Variants in NCBP3 observed in about 807,000 individuals in gnomAD.
NCBP3 encodes the protein nuclear cap binding subunit 3.
NCBP3 carries 20 observed loss-of-function variants against 75.7 expected under a neutral mutation model. The observed-to-expected ratio is 0.26, with a 90% CI of 0.19 to 0.38. The LOEUF (loss-of-function observed/expected upper bound fraction) is 0.38. NCBP3 is among the 10% of genes least tolerant of loss of function. The pLI is 1.00. For missense variants in NCBP3, 678 were observed against 796.9 expected (o/e 0.85, Z 1.80); for synonymous variants, 293 against 290.5 (o/e 1.01, Z -0.09).
chr17:3,811,282 A>C lies in NCBP3; in HGVS notation c.*1762T>G, dbSNP rs2143626250. 6.6e-6 allele frequency: 1 copy of C among 152,016 alleles called. No individual in the cohort carries two copies. The highest frequency in any genetic ancestry group is 1.9e-4 in the East Asian group (1 of 5,162). 9.4% of individuals were successfully genotyped at this position (152,016 alleles called of 1,614,324 possible). ...CGATTCTCAGGCCCCCGCACTCCTC[A>C]CTCTACCAACTCCCCAAACCCTGAC... On this transcript the variant is annotated 3_prime_UTR_variant, in exon 13 of 13. Coordinates refer to ENST00000389005, the MANE Select transcript of NCBP3 (RefSeq NM_001114118.3).
At chr17:3,813,537 C>T (rs551393027) in intron 12 of NCBP3, among the ~76,000 whole-genome samples, 1 of 152,338 alleles carries the variant, frequency 6.6e-6, no homozygotes, top group East Asian at 1.9e-4. Context: ...TCACCAGACA[C>T]ATCAGAATCA....
intron 3 of NCBP3, among the ~76,000 whole-genome samples, chr17:3,833,549 A>G (rs2143695297): frequency 6.6e-6 from 1 of 151,978 alleles, no homozygotes; most frequent in African/African-American, 2.4e-5. Context: ...GCTCATGCCC[A>G]TAATCCCAGC....
chr17:3,824,632 T>C, intron 7 of NCBP3: 1 of 194,144 alleles, frequency 5.2e-6, no homozygotes. Flanking sequence ...GTTGCTGTAA[T>C]AAATAAAGTT....
At chr17:3,821,026 A>G (rs1176838864) in intron 9 of NCBP3, among the ~76,000 whole-genome samples, 1 of 152,078 alleles carries the variant, frequency 6.6e-6, no homozygotes, top group Non-Finnish European at 1.5e-5. Context: ...TTCCTATGTC[A>G]TATTTTGCCT....
chr17:3,846,067 G>A lies in NCBP3; in HGVS notation c.157C>T (p.Arg53Trp), dbSNP rs539558260. The change falls in exon 1 of 13, where the codon CGG becomes TGG. Residue 53 changes from arginine (R) to tryptophan (W), a missense_variant. By Grantham distance (101) the Arg-to-Trp change is moderately radical. This residue lies in a region of NCBP3 where 46 missense variants were observed against 82.8 expected (regional missense o/e 0.56). Transcript: ENST00000389005. The surrounding 1 kb of genome is among the most constrained non-coding windows in gnomAD (Gnocchi z 4.6). ...GGGATCAGTTCCTTGAGCGAGCGCC[G>A]CACAGGCACGATTTCCAGCTCGCCC... is the stretch of plus-strand genomic sequence containing the variant. ...EEGELEIVPV[R>W]RSLKELIPDT... 7.7e-6 allele frequency: 12 copies of A among 1,548,766 alleles called. No individual in the cohort carries two copies. The highest frequency in any genetic ancestry group is 1.2e-5 in the South Asian group (1 of 84,036).
At chr17:3,840,063 G>A in intron 3 of NCBP3, 37 bp downstream of exon 3, 1 of 1,503,476 alleles carries the variant, frequency 6.7e-7, no homozygotes. Flanking sequence ...CACTCTCTGG[G>A]GAAATGTGGA....
rs537962525 is a variant in NCBP3 at position 3,821,668 on chromosome 17, T to G, written c.896+285A>C. 3.9e-5 allele frequency among the ~76,000 whole-genome samples: 6 copies of G among 152,220 alleles called. No homozygotes were observed. In the East Asian group the frequency reaches 1.2e-3, roughly 29 times the overall value. On this transcript the variant is annotated intron_variant, in intron 8 of 12. Transcript: ENST00000389005. ...GAACTCCTGACCTCAGGTGATCTGC[T>G]GGCCTCGGCCTCCCAAAGTGCTGGG... is the stretch of plus-strand genomic sequence containing the variant.
Position 3,825,800 on chromosome 17 carries a change from T to C in NCBP3, c.654A>G (p.Gly218=), listed in dbSNP as rs1184758858. ...DSSDDDEAEE[G]EVEDENSSDV... is the part of the protein sequence containing the mutation. ...CACTTGAGTTCTCATCTTCAACCTC[T>C]CCTTCTTCAGCTTCATCATCATCTG... Residue 218 remains glycine, a synonymous_variant, in exon 6 of 13, where the codon GGA becomes GGG. Coordinates refer to ENST00000389005, the MANE Select transcript of NCBP3 (RefSeq NM_001114118.3). The C allele has an allele frequency of 9.0e-6, 14 of 1,551,520 alleles. No homozygotes were observed. The South Asian group carries it at 1.3e-4, about 15-fold the overall frequency.
rs918032906 is a variant in NCBP3, at chr17:3,809,676, AG to A, written c.*3367del. ...GGCCGAGATCGTGCCATTGCACTCC[AG>A]CCTGCACAACAAGAGCGAAACTGTG... On this transcript the variant is annotated 3_prime_UTR_variant, in exon 13 of 13. Transcript: ENST00000389005. The A allele has an allele frequency of 6.6e-6, 1 of 152,254 alleles. No individual in the cohort carries two copies. The highest frequency in any genetic ancestry group is 1.5e-5 in the Non-Finnish European group (1 of 68,054). The allele number at this position is 152,254 out of a possible 1,614,324, so 9.4% of individuals were successfully genotyped here. A position where few individuals can be genotyped will look rare whatever the true frequency, so the allele number is the denominator to read the frequency against.
chr17:3,827,752 T>C (rs1279413803), intron 4 of NCBP3, among the ~76,000 whole-genome samples: 1 of 152,226 alleles, frequency 6.6e-6, no homozygotes, highest in Non-Finnish European at 1.5e-5. Context: ...CCTCCAATTC[T>C]AATATACCTT....
At chr17:3,842,711 T>C (rs545560668) in intron 2 of NCBP3, among the ~76,000 whole-genome samples, 1 of 152,208 alleles carries the variant, frequency 6.6e-6, no homozygotes, top group South Asian at 2.1e-4. Context: ...AGTGGCACGA[T>C]TTCAGCTCAG....
Position 3,843,052 on chromosome 17 carries a change from T to C in NCBP3, c.249+34A>G, listed in dbSNP as rs74331042. On this transcript the variant is annotated intron_variant, in intron 2 of 12. Coordinates refer to ENST00000389005, the MANE Select transcript of NCBP3 (RefSeq NM_001114118.3). Reference sequence around the variant, plus strand: ...CAAATTCATTAAGTTCACTTGCTTATCAAGCTGAATAAATAAATCATAGCC... The same window carrying C: ...CAAATTCATTAAGTTCACTTGCTTACCAAGCTGAATAAATAAATCATAGCC... The C allele has an allele frequency of 7.0e-4, 1,036 of 1,473,520 alleles. 8 individuals are homozygous for C. In the African/African-American group the frequency reaches 0.013, roughly 18 times the overall value. The allele number at this position is 1,473,520 out of a possible 1,614,324, so 91.3% of individuals were successfully genotyped here.
At chr17:3,843,017 T>C (rs2054093709) in intron 2 of NCBP3, 69 bp downstream of exon 2, 1 of 1,200,606 alleles carries the variant, frequency 8.3e-7, no homozygotes, top group African/African-American at 1.5e-5. Flanking sequence ...TACTGTTATG[T>C]CCTAGGGATC....
At chr17:3,816,982 G>A (rs991869251) in intron 10 of NCBP3, among the ~76,000 whole-genome samples, 1 of 151,922 alleles carries the variant, frequency 6.6e-6, no homozygotes, top group African/African-American at 2.4e-5. Context: ...AGCCGAGATC[G>A]TGTTATCGCT....
At chr17:3,826,268 T>C (rs2053781963) in intron 4 of NCBP3, 53 bp from the exon 5 acceptor site, 9 of 1,483,902 alleles carry the variant, frequency 6.1e-6, no homozygotes, top group Admixed American at 4.6e-5. Flanking sequence ...GGTAAGCTTC[T>C]TGAGAGCAGA....
intron 3 of NCBP3, among the ~76,000 whole-genome samples, chr17:3,837,995 T>TAA (rs1567594880): frequency 7.6e-6 from 1 of 132,034 alleles, no homozygotes. Flanking sequence ...AAAAAAAATT[T>TAA]TTTTAAATTA....
chr17:3,834,079 TA>T (rs1245449547), intron 3 of NCBP3, among the ~76,000 whole-genome samples: 1 of 152,140 alleles, frequency 6.6e-6, no homozygotes, highest in Admixed American at 6.5e-5. Flanking sequence ...TGCCGGTCAC[TA>T]ATAAGGATTT....
At chr17:3,841,044 T>A (rs963282530) in intron 2 of NCBP3, among the ~76,000 whole-genome samples, 2 of 152,172 alleles carry the variant, frequency 1.3e-5, no homozygotes, top group African/African-American at 2.4e-5. Context: ...TGCCACGATC[T>A]CAGCTCACAG....
At chr17:3,822,900 T>C (rs1020312143) in intron 7 of NCBP3, 6 of 152,162 alleles carry the variant, frequency 3.9e-5, no homozygotes, top group African/African-American at 1.4e-4. Flanking sequence ...AAAATGAGTC[T>C]GGAAAAGCAA....
Sources: allele counts gnomAD v4.1 joint callset (sites outside exome capture counted in the v4.1 genomes callset), GRCh38; gene constraint gnomAD v4.1.1; regional missense constraint gnomAD v4.1.1; non-coding constraint Gnocchi (gnomAD v3.1); transcripts MANE v1.5; gene names NCBI Gene and HGNC (gene_info 2026-07-23, HGNC 2026-07-21).